MECOM: variants seen among roughly 807,000 people sequenced by gnomAD.
The protein encoded by MECOM is MDS1 and EVI1 complex locus, also known as histone-lysine N-methyltransferase MECOM.
A neutral mutation model predicts 116.3 loss-of-function variants in MECOM; 13 were observed. The observed-to-expected ratio is 0.11, with a 90% confidence interval of 0.07 to 0.18. The LOEUF is 0.18. MECOM is among the 10% of genes least tolerant of loss of function. MECOM has a pLI of 1.00. For missense variants in MECOM, 1,299 were observed against 1,509.0 expected (o/e 0.86, Z 2.31); for synonymous variants, 528 against 535.2 (o/e 0.99, Z 0.19).
At chr3:169,465,920 A>G (rs1170485781) in intron 1 of MECOM, among the ~76,000 whole-genome samples, 3 of 152,192 alleles carry the variant, frequency 2.0e-5, no homozygotes, top group African/African-American at 7.2e-5. Flanking sequence ...ATTTTACCTG[A>G]TCCTTTTCTA....
chr3:169,501,947 G>A, intron 1 of MECOM, among the ~76,000 whole-genome samples: 1 of 152,054 alleles, frequency 6.6e-6, no homozygotes, highest in East Asian at 1.9e-4. Flanking sequence ...AATTATACTG[G>A]CTGAAATCCA....
At chr3:169,155,530 C>T (rs1173373472) in intron 2 of MECOM, among the ~76,000 whole-genome samples, 1 of 152,076 alleles carries the variant, frequency 6.6e-6, no homozygotes, top group Non-Finnish European at 1.5e-5. Flanking sequence ...AAACATTAGT[C>T]TTCCTAAAAT....
Position 169,115,979 on chromosome 3 carries a change from T to C in MECOM, c.1893A>G (p.Ser631=), listed in dbSNP as rs1418136568. The C allele has an allele frequency of 6.2e-7, 1 of 1,614,236 alleles. No individual in the cohort carries two copies. Among genetic ancestry groups the C allele is most frequent in the East Asian group, 2.2e-5 (1 of 44,886 alleles). The stretch of plus-strand genomic sequence containing the variant: ...TGCTGTATTCTTTCTTATTATTTAT[T>C]GAAGCCAGATTCTGAAGAGGGCTTA... ...DKVSPLQNLA[S]INNKKEYSNH... The change falls in exon 8 of 17, where the codon TCA becomes TCG. Residue 631 remains serine (S), a synonymous_variant. Coordinates refer to ENST00000651503, the MANE Select transcript of MECOM (RefSeq NM_004991.4).
At chr3:169,222,268 G>T (rs1181903188) in intron 2 of MECOM, among the ~76,000 whole-genome samples, 1 of 152,156 alleles carries the variant, frequency 6.6e-6, no homozygotes, top group African/African-American at 2.4e-5. Flanking sequence ...AATTGAAATG[G>T]CAAACAATAA....
chr3:169,570,716 T>C (rs950655199), intron 1 of MECOM, among the ~76,000 whole-genome samples: 3 of 152,164 alleles, frequency 2.0e-5, no homozygotes, highest in Non-Finnish European at 2.9e-5. Flanking sequence ...ATCCATCACA[T>C]AAACATAACC....
intron 2 of MECOM, among the ~76,000 whole-genome samples, chr3:169,254,222 G>A (rs1201024823): frequency 2.0e-5 from 3 of 152,050 alleles, no homozygotes; most frequent in Non-Finnish European, 4.4e-5. Flanking sequence ...AATCTATGTC[G>A]TAGGGAGTCA....
intron 16 of MECOM, among the ~76,000 whole-genome samples, chr3:169,086,340 G>A (rs919545364): frequency 6.6e-6 from 1 of 152,124 alleles, no homozygotes; most frequent in Non-Finnish European, 1.5e-5. Context: ...TGGGTTAAGT[G>A]AGCATTCAAC....
chr3:169,148,757 A>G (rs1054781538), intron 2 of MECOM, among the ~76,000 whole-genome samples: 2 of 152,188 alleles, frequency 1.3e-5, no homozygotes, highest in African/African-American at 4.8e-5. Flanking sequence ...CAGTAGAACT[A>G]TATTTTCCCA....
chr3:169,438,047 G>T (rs953474962), intron 1 of MECOM, among the ~76,000 whole-genome samples: 1 of 152,166 alleles, frequency 6.6e-6, no homozygotes, highest in Non-Finnish European at 1.5e-5. Context: ...AGGTAGATAT[G>T]ACTCTCATCC....
intron 1 of MECOM, among the ~76,000 whole-genome samples, chr3:169,653,732 G>A (rs574082543): frequency 2.0e-5 from 3 of 152,242 alleles, no homozygotes; most frequent in Admixed American, 2.0e-4. Context: ...TCTATTTAAG[G>A]CACTCTAAAT....
chr3:169,217,382 A>G (rs1340811931), intron 2 of MECOM, among the ~76,000 whole-genome samples: 1 of 152,224 alleles, frequency 6.6e-6, no homozygotes, highest in East Asian at 1.9e-4. Context: ...GTACTTAAAG[A>G]TAACACTGCT....
chr3:169,165,382 C>T (rs777097194), intron 2 of MECOM, among the ~76,000 whole-genome samples: 1 of 152,076 alleles, frequency 6.6e-6, no homozygotes, highest in Non-Finnish European at 1.5e-5. Context: ...GATGGTCAAG[C>T]CATCTATAGC....
intron 1 of MECOM, among the ~76,000 whole-genome samples, chr3:169,402,622 C>T (rs988126417): frequency 2.7e-4 from 41 of 152,216 alleles, no homozygotes; most frequent in Admixed American, 2.7e-3. Flanking sequence ...CACCATTGCA[C>T]TCCAGCCTGG....
intron 14 of MECOM, 79 bp from the exon 15 acceptor site, chr3:169,090,315 C>A: frequency 7.8e-7 from 1 of 1,275,770 alleles, no homozygotes; most frequent in Non-Finnish European, 1.1e-6. Context: ...TTATGTCTTC[C>A]CAACAACAGT....
In MECOM at chr3:169,639,402, T is replaced by C. The variant is rs185503335; in HGVS notation, c.37+23934A>G. 3.3e-5 allele frequency among the ~76,000 whole-genome samples: 5 copies of C among 152,340 alleles called. No homozygotes were observed. The East Asian group carries it at 9.6e-4, about 29-fold the overall frequency. ...TCAAAGTTTTGGAGAAAATAAGCTT[T>C]GTCTTTCCTACTGAATATGAATAAC... is the stretch of plus-strand genomic sequence containing the variant. On this transcript the variant is annotated intron_variant, in intron 1 of 16. Coordinates refer to ENST00000651503, the MANE Select transcript of MECOM (RefSeq NM_004991.4).
chr3:169,235,869 TAAAA>T (rs796203861), intron 2 of MECOM, among the ~76,000 whole-genome samples: 1 of 138,438 alleles, frequency 7.2e-6, no homozygotes, highest in Admixed American at 7.3e-5. Flanking sequence ...CCATTTTGCT[TAAAA>T]AAAAAAAAAA....
chr3:169,104,243 GTC>G (rs1017159237), intron 10 of MECOM, among the ~76,000 whole-genome samples: 5 of 152,140 alleles, frequency 3.3e-5, no homozygotes, highest in African/African-American at 1.2e-4. Flanking sequence ...AGGAAATTCT[GTC>G]TCTGCAGAAT....
At chr3:169,231,696 A>T (rs1183048281) in intron 2 of MECOM, among the ~76,000 whole-genome samples, 1 of 152,000 alleles carries the variant, frequency 6.6e-6, no homozygotes, top group East Asian at 1.9e-4. Flanking sequence ...CAGAATAGAA[A>T]CCAGTATGAT....
chr3:169,261,535 C>T (rs1445374072), intron 2 of MECOM, among the ~76,000 whole-genome samples: 3 of 152,042 alleles, frequency 2.0e-5, no homozygotes, highest in Non-Finnish European at 1.5e-5. Flanking sequence ...CCCGTCTCTA[C>T]TAAAAATACA....
Sources: gnomAD v4.1 joint callset for allele counts (sites outside exome capture counted in the v4.1 genomes callset) on GRCh38, gnomAD v4.1.1 for gene constraint, MANE v1.5 for transcripts, NCBI Gene and HGNC (gene_info 2026-07-23, HGNC 2026-07-21) for gene names.